Variants in TDRD6 observed in about 807,000 individuals in gnomAD.
TDRD6 encodes the protein tudor domain containing 6, also known as tudor domain-containing protein 6.
In TDRD6, 186 loss-of-function variants were observed where a neutral mutation model predicts 157.5. The observed-to-expected ratio is 1.18, with a 90% confidence interval of 1.05 to 1.33. TDRD6 has a LOEUF of 1.33. TDRD6 is among the 40% of genes most tolerant of loss of function. TDRD6 has a pLI of 0.00. For synonymous variants in TDRD6, 1,075 were observed against 945.2 expected, an observed-to-expected ratio of 1.14 and a Z score of -2.52; for missense variants, 3,066 against 2,508.0, an observed-to-expected ratio of 1.22 and a Z score of -4.75.
rs1368694404 is a variant in TDRD6 at position 46,688,538 on chromosome 6, C to T, written c.410C>T (p.Ala137Val). The T allele has an allele frequency of 3.2e-6, 5 of 1,573,704 alleles. No individual in the cohort carries two copies. The South Asian group carries it at 3.4e-5, about 11-fold the overall frequency. Residue 137 changes from alanine to valine, a missense_variant, in exon 1 of 4, where the codon GCA becomes GTA. Transcript: ENST00000316081. The stretch of plus-strand genomic sequence containing the variant: ...TGCGTGCTAGCGGGCCTGGTGCCGG[C>T]AGGCTGCGGCGCGGGCTCAGGCGAG... Reference protein sequence around the residue: ...LGCVLAGLVPAGCGAGSGEPP... With the variant: ...LGCVLAGLVPVGCGAGSGEPP...
rs755622660 is a variant in TDRD6, at chr6:46,691,136, G to A, written c.3008G>A (p.Cys1003Tyr). The change falls in exon 1 of 4, where the codon TGC becomes TAC. Residue 1003 changes from cysteine (C) to tyrosine (Y), a missense_variant. Coordinates refer to ENST00000316081, the MANE Select transcript of TDRD6 (RefSeq NM_001010870.3). ...ATTGATGACCCTTGGACATTTTATT[G>A]CCAGCTGGCAAGAAATGCAAATATT... ...THIDDPWTFY[C>Y]QLARNANILE... 1.2e-6 allele frequency: 2 copies of A among 1,613,590 alleles called. No individual in the cohort carries two copies. The highest frequency in any genetic ancestry group is 1.7e-6 in the Non-Finnish European group (2 of 1,179,882).
chr6:46,696,229 T>G (rs1582550324), intron 2 of TDRD6, among the ~76,000 whole-genome samples: 1 of 152,128 alleles, frequency 6.6e-6, no homozygotes, highest in East Asian at 1.9e-4. Context: ...ATTTTTTATA[T>G]CTAATGCCAC....
upstream of TDRD6, chr6:46,687,825 C>G (rs1034296389): frequency 5.8e-6 from 2 of 343,740 alleles, no homozygotes; most frequent in Non-Finnish European, 1.1e-5. Flanking sequence ...AACCCCAGGC[C>G]TCGGCTGGCC....
In TDRD6 at chr6:46,691,524, T is replaced by A; in HGVS notation, c.3396T>A (p.Asp1132Glu). The A allele has an allele frequency of 6.2e-7, 1 of 1,614,026 alleles. No individual in the cohort carries two copies. Among genetic ancestry groups the A allele is most frequent in the Non-Finnish European group, 8.5e-7 (1 of 1,179,934 alleles). ...KSLKALVVAK[D>E]PDGTLIIELY... ...TGAAGGCTTTAGTTGTAGCAAAAGATCCAGATGGAACACTGATTATAGAAC... is the reference window on the plus strand; with the variant it reads ...TGAAGGCTTTAGTTGTAGCAAAAGAACCAGATGGAACACTGATTATAGAAC... Residue 1132 changes from aspartate to glutamate, a missense_variant, in exon 1 of 4, where the codon GAT becomes GAA. Coordinates refer to ENST00000316081, the MANE Select transcript of TDRD6 (RefSeq NM_001010870.3).
Position 46,691,981 on chromosome 6 carries a change from T to C in TDRD6, c.3853T>C (p.Cys1285Arg). Residue 1285 changes from cysteine to arginine, a missense_variant, in exon 1 of 4, where the codon TGT becomes CGT. Cys to Arg is a radical substitution (Grantham distance 180, BLOSUM62 -3). Transcript: ENST00000316081. ...TTCAGAGAGAAAAATAGGAGATTCA[T>C]GTGACAAAGATTTGCCTCTGAAATT... ...TLSERKIGDS[C>R]DKDLPLKFCE... is the part of the protein sequence containing the mutation. The C allele has an allele frequency of 1.2e-6, 2 of 1,613,842 alleles. No homozygotes were observed. The highest frequency in any genetic ancestry group is 1.7e-6 in the Non-Finnish European group (2 of 1,179,928).
Position 46,688,262 on chromosome 6 carries a change from G to C in TDRD6, c.134G>C (p.Arg45Pro). 1.3e-6 allele frequency: 2 copies of C among 1,508,548 alleles called. No homozygotes were observed. Among genetic ancestry groups the C allele is most frequent in the Non-Finnish European group, 1.8e-6 (2 of 1,136,184 alleles). 93.4% of individuals were successfully genotyped at this position (1,508,548 alleles called of 1,614,324 possible). A position where few individuals can be genotyped will look rare whatever the true frequency, so the allele number is the denominator to read the frequency against. The change falls in exon 1 of 4, where the codon CGG (arginine) becomes CCG (proline). Residue 45 changes from arginine (R) to proline (P), a missense_variant. Coordinates refer to ENST00000316081, the MANE Select transcript of TDRD6 (RefSeq NM_001010870.3). ...LVGERRGEYL[R>P]LSREIQEAAA... The stretch of plus-strand genomic sequence containing the variant: ...GGCGAGCGGCGGGGCGAGTACCTGC[G>C]GCTGAGCCGGGAAATCCAGGAAGCG...
chr6:46,695,965 T>A lies in TDRD6; in HGVS notation c.6171+20T>A. 1.9e-6 allele frequency: 3 copies of A among 1,605,376 alleles called. No individual in the cohort carries two copies. In the African/African-American group the frequency reaches 4.0e-5, roughly 22 times the overall value. On this transcript the variant is annotated intron_variant, in intron 2 of 3. Coordinates refer to ENST00000316081, the MANE Select transcript of TDRD6 (RefSeq NM_001010870.3). ...ACAAGGGTAAGTGATGTTTAAGTAC[T>A]TTATCTCCAAATGTATTTGCAGACT...
In TDRD6 at chr6:46,688,255, T is replaced by C; in HGVS notation, c.127T>C (p.Tyr43His). 1 of 1,510,820 alleles carries C rather than the reference T, an allele frequency of 6.6e-7. No homozygotes were observed. The allele number at this position is 1,510,820 out of a possible 1,614,324, so 93.6% of individuals were successfully genotyped here. ...WGLVGERRGE[Y>H]LRLSREIQEA... ...GCTGGTGGGCGAGCGGCGGGGCGAG[T>C]ACCTGCGGCTGAGCCGGGAAATCCA... The change falls in exon 1 of 4, where the codon TAC becomes CAC. Residue 43 changes from tyrosine (Y) to histidine (H), a missense_variant. Transcript: ENST00000316081.
Position 46,697,970 on chromosome 6 carries a change from C to G in TDRD6, c.6172-28C>G, listed in dbSNP as rs373371415. 3.1e-4 allele frequency: 445 copies of G among 1,458,128 alleles called. 1 individual carries two copies. Among genetic ancestry groups the G allele is most frequent in the Non-Finnish European group, 3.9e-4 (415 of 1,062,108 alleles). The allele number at this position is 1,458,128 out of a possible 1,614,324, so 90.3% of individuals were successfully genotyped here. ...ATCAGTTATTTTTTTGAATTGGACA[C>G]TTTAAAAAAATTTGTTTTCTCCTGT... On this transcript the variant is annotated intron_variant, in intron 2 of 3. Transcript: ENST00000316081.
Position 46,695,841 on chromosome 6 carries a change from A to T in TDRD6, c.6067A>T (p.Thr2023Ser). The change falls in exon 2 of 4, where the codon ACT becomes TCT. Residue 2023 changes from threonine (T) to serine (S), a missense_variant. Transcript: ENST00000316081. The stretch of plus-strand genomic sequence containing the variant: ...GGCAGCTCAACTACAGAACACCTAC[A>T]CTCTGAAAGCCTTTACTGTTGGATC... ...HISAQLQNTYTLKAFTVGSKC... is the reference protein window; with the variant it reads ...HISAQLQNTYSLKAFTVGSKC... 6 of 1,613,514 alleles carry T rather than the reference A, an allele frequency of 3.7e-6. No homozygotes were observed. Among genetic ancestry groups the T allele is most frequent in the Non-Finnish European group, 5.1e-6 (6 of 1,179,706 alleles).
At chr6:46,695,649 C>A (rs949301271) in intron 1 of TDRD6, among the ~76,000 whole-genome samples, 172 bp from the exon 2 acceptor site, 1 of 151,672 alleles carries the variant, frequency 6.6e-6, no homozygotes, top group Non-Finnish European at 1.5e-5. Context: ...TATGGGGGGG[C>A]GGGCACTGTA....
At chr6:46,686,229 T>G (rs1764089928), upstream of TDRD6, among the ~76,000 whole-genome samples, 2 of 152,178 alleles carry the variant, frequency 1.3e-5, no homozygotes, top group Non-Finnish European at 1.5e-5. Context: ...GATTAAAGTC[T>G]CCATTATTCC....
chr6:46,699,665 T>TA (rs1055748318), intron 3 of TDRD6, among the ~76,000 whole-genome samples: 73 of 150,642 alleles, frequency 4.8e-4, no homozygotes, highest in Middle Eastern at 3.4e-3. Flanking sequence ...GACAAAGAAG[T>TA]AAAAAAAAAG....
chr6:46,692,350 A>G lies in TDRD6; in HGVS notation c.4222A>G (p.Asn1408Asp), dbSNP rs751566610. 3.7e-6 allele frequency: 6 copies of G among 1,614,218 alleles called. No homozygotes were observed. The highest frequency in any genetic ancestry group is 5.1e-6 in the Non-Finnish European group (6 of 1,180,038). ...CAAAATAGGTAGGCTTGACCTTGTT[A>G]ATGCAATATTGCCGGGGTTGTGCAT... ...TNKIGRLDLV[N>D]AILPGLCIHC... The change falls in exon 1 of 4, where the codon AAT (asparagine) becomes GAT (aspartate). Residue 1408 changes from asparagine to aspartate, a missense_variant. Asn to Asp is a conservative substitution (Grantham distance 23, BLOSUM62 1). Transcript: ENST00000316081.
chr6:46,692,751 G>A lies in TDRD6; in HGVS notation c.4623G>A (p.Thr1541=), dbSNP rs376501354. Residue 1541 remains threonine (T), a synonymous_variant, in exon 1 of 4, where the codon ACG becomes ACA. Transcript: ENST00000316081. ...PEYFWCQFAD[T]EKLQCLEVEV... is the part of the protein sequence containing the mutation. Reference sequence around the variant, plus strand: ...ACTTTTGGTGTCAGTTTGCTGATACGGAGAAACTTCAGTGTTTAGAAGTAG... The same window carrying A: ...ACTTTTGGTGTCAGTTTGCTGATACAGAGAAACTTCAGTGTTTAGAAGTAG... 1.3e-5 allele frequency: 21 copies of A among 1,614,030 alleles called. No homozygotes were observed. The highest frequency in any genetic ancestry group is 5.5e-5 in the South Asian group (5 of 91,082).
intron 3 of TDRD6, chr6:46,700,997 A>G: frequency 2.2e-6 from 1 of 448,068 alleles, no homozygotes; most frequent in Non-Finnish European, 4.6e-6. Flanking sequence ...TCCTTTTGTT[A>G]GGCTGTATCC....
chr6:46,685,645 T>C (rs1395348483), upstream of TDRD6, among the ~76,000 whole-genome samples: 1 of 152,038 alleles, frequency 6.6e-6, no homozygotes, highest in African/African-American at 2.4e-5. Context: ...AGGGATAGCA[T>C]TAGGAGAAAT....
upstream of TDRD6, chr6:46,687,667 G>C (rs980071880): frequency 1.3e-5 from 2 of 156,152 alleles, no homozygotes; most frequent in African/African-American, 4.8e-5. Flanking sequence ...TCTCTGGTCG[G>C]TCCTCACCGC....
At position 46,692,273 on chromosome 6, in the gene TDRD6, T is replaced by G; in HGVS notation, c.4145T>G (p.Leu1382Arg). 1 of 1,614,080 alleles carries G rather than the reference T, an allele frequency of 6.2e-7. No homozygotes were observed. ...ATCAAGGAGCAACAACCCAATGACC[T>G]TCTCTCTGTGCAGTTTATAGATTAT... ...AVIKEQQPND[L>R]LSVQFIDYGN... The change falls in exon 1 of 4, where the codon CTT (leucine) becomes CGT (arginine). Residue 1382 changes from leucine (L) to arginine (R), a missense_variant. By Grantham distance (102) the Leu-to-Arg change is moderately radical. Coordinates refer to ENST00000316081, the MANE Select transcript of TDRD6 (RefSeq NM_001010870.3).
Sources: allele counts gnomAD v4.1 joint callset (sites outside exome capture counted in the v4.1 genomes callset), GRCh38; gene constraint gnomAD v4.1.1; transcripts MANE v1.5; gene names NCBI Gene and HGNC (gene_info 2026-07-23, HGNC 2026-07-21).